PPP2R5E: variants seen among roughly 807,000 people sequenced by gnomAD.
PPP2R5E encodes protein phosphatase 2 regulatory subunit B'epsilon.
In PPP2R5E, 4 loss-of-function variants were observed where a neutral mutation model predicts 65.3. The ratio of observed to expected loss-of-function variants is 0.06; its 90% CI spans 0.03 to 0.14. The LOEUF is 0.14. Ranked by LOEUF, PPP2R5E falls within the 10% of genes least tolerant of loss-of-function variation. PPP2R5E has a pLI of 1.00. For missense variants in PPP2R5E, 274 were observed against 556.1 expected (o/e 0.49, Z 5.10); for synonymous variants, 183 against 187.4 (o/e 0.98, Z 0.19).
At chr14:63,491,727 G>A (rs376383450) in intron 2 of PPP2R5E, among the ~76,000 whole-genome samples, 2 of 152,124 alleles carry the variant, frequency 1.3e-5, no homozygotes, top group African/African-American at 4.8e-5. Flanking sequence ...TGCACCTGTA[G>A]TCCCAGCTAC....
rs183488512 is a variant in PPP2R5E at position 63,521,434 on chromosome 14, G to A, written c.157+18095C>T. On this transcript the variant is annotated intron_variant, in intron 2 of 13. Coordinates refer to ENST00000337537, the MANE Select transcript of PPP2R5E (RefSeq NM_006246.5). ...CTGTAATCCCAGCACTTTGGGAGGC[G>A]GAGGCGGGCAGACCACAAGGTCAGG... Among the ~76,000 whole-genome samples the A allele has an allele frequency of 4.4e-4, 67 of 152,268 alleles. No homozygotes were observed. The East Asian group carries it at 0.012, about 27-fold the overall frequency.
intron 8 of PPP2R5E, 69 bp downstream of exon 8, chr14:63,393,751 A>G (rs1233744692): frequency 3.8e-6 from 4 of 1,059,702 alleles, no homozygotes; most frequent in African/African-American, 3.3e-5. Context: ...AGGTTATATC[A>G]ATATCAAAAA....
chr14:63,480,463 A>G (rs1005939221), intron 2 of PPP2R5E, among the ~76,000 whole-genome samples: 15 of 152,280 alleles, frequency 9.9e-5, no homozygotes, highest in African/African-American at 3.6e-4. Context: ...CTCAAAAAAA[A>G]CAGTTGGGGT....
chr14:63,512,084 A>T (rs1272739664), intron 2 of PPP2R5E, among the ~76,000 whole-genome samples: 19 of 148,110 alleles, frequency 1.3e-4, no homozygotes, highest in Admixed American at 2.0e-4. Flanking sequence ...GCGGTAAAAA[A>T]AAAAAAAAAA....
At chr14:63,446,569 C>T (rs1888487164) in intron 3 of PPP2R5E, among the ~76,000 whole-genome samples, 1 of 152,076 alleles carries the variant, frequency 6.6e-6, no homozygotes, top group South Asian at 2.1e-4. Context: ...GTGGCTCACG[C>T]CTGTAATTCC....
chr14:63,498,609 G>A (rs1891699395), intron 2 of PPP2R5E, among the ~76,000 whole-genome samples: 1 of 151,840 alleles, frequency 6.6e-6, no homozygotes, highest in East Asian at 1.9e-4. Context: ...CCAGGCTGGA[G>A]CGAGATGGCA....
At chr14:63,472,766 A>T (rs1407471295) in intron 2 of PPP2R5E, among the ~76,000 whole-genome samples, 1 of 152,266 alleles carries the variant, frequency 6.6e-6, no homozygotes, top group Non-Finnish European at 1.5e-5. Flanking sequence ...GGCATGGAAG[A>T]CAGGTGACTA....
intron 2 of PPP2R5E, among the ~76,000 whole-genome samples, chr14:63,498,611 G>C (rs78047878): frequency 6.6e-6 from 1 of 151,662 alleles, no homozygotes; most frequent in East Asian, 1.9e-4. Context: ...AGGCTGGAGC[G>C]AGATGGCACA....
intron 2 of PPP2R5E, among the ~76,000 whole-genome samples, chr14:63,456,886 T>C (rs375695480): frequency 8.7e-5 from 12 of 137,310 alleles, no homozygotes; most frequent in African/African-American, 4.0e-4. Context: ...CTCTAGCCCA[T>C]GCACCAAGAA....
At chr14:63,482,060 C>T (rs369269968) in intron 2 of PPP2R5E, among the ~76,000 whole-genome samples, 38 of 152,230 alleles carry the variant, frequency 2.5e-4, no homozygotes, top group African/African-American at 9.1e-4. Flanking sequence ...AGAAATTACA[C>T]GTTATGCAAC....
At chr14:63,469,758 C>T (rs117461044) in intron 2 of PPP2R5E, among the ~76,000 whole-genome samples, 10,421 of 152,212 alleles carry the variant, frequency 0.068, 530 homozygotes, top group Non-Finnish European at 0.11. Flanking sequence ...GAAAAAAGCA[C>T]CTGACAAGGA....
intron 13 of PPP2R5E, among the ~76,000 whole-genome samples, chr14:63,376,460 A>T (rs923781001): frequency 7.9e-5 from 12 of 152,216 alleles, no homozygotes; most frequent in Admixed American, 5.9e-4. Context: ...TGCATATTTA[A>T]ATTCTTCAGT....
At chr14:63,479,645 C>T (rs1343896404) in intron 2 of PPP2R5E, among the ~76,000 whole-genome samples, 1 of 152,108 alleles carries the variant, frequency 6.6e-6, no homozygotes, top group Non-Finnish European at 1.5e-5. Flanking sequence ...CACCTAACAC[C>T]ATACTGACAA....
intron 5 of PPP2R5E, among the ~76,000 whole-genome samples, chr14:63,408,552 T>C (rs1886215021): frequency 6.6e-6 from 1 of 152,202 alleles, no homozygotes; most frequent in African/African-American, 2.4e-5. Flanking sequence ...TAGTATATTA[T>C]TTAATAAGTA....
rs184867802 is a variant in PPP2R5E at position 63,473,070 on chromosome 14, T to A, written c.158-19185A>T. On this transcript the variant is annotated intron_variant, in intron 2 of 13. Transcript: ENST00000337537. ...GAAGGTAAGAAACAAAGGGATTTTT[T>A]AAATTACATTAGATATAACAGAAAG... Among the ~76,000 whole-genome samples, 558 of 152,334 alleles carry A rather than the reference T, an allele frequency of 3.7e-3. 3 individuals are homozygous for A. The highest frequency in any genetic ancestry group is 0.011 in the African/African-American group (478 of 41,578).
At position 63,389,658 on chromosome 14, in the gene PPP2R5E, G is replaced by T; in HGVS notation, c.1028C>A (p.Pro343His). ...ACACTTGGCGATTTGTTTAAACAAA[G>T]GTTCTTGGATTTTAACAAATTGTGA... is the stretch of plus-strand genomic sequence containing the variant. ...EPSQFVKIQE[P>H]LFKQIAKCVS... is the part of the protein sequence containing the mutation. The change falls in exon 11 of 14, where the codon CCT (proline) becomes CAT (histidine). Residue 343 changes from proline (P) to histidine (H), a missense_variant. Transcript: ENST00000337537. The T allele has an allele frequency of 6.2e-7, 1 of 1,612,130 alleles. No homozygotes were observed. Among genetic ancestry groups the T allele is most frequent in the Admixed American group, 1.7e-5 (1 of 59,798 alleles).
intron 2 of PPP2R5E, among the ~76,000 whole-genome samples, chr14:63,521,961 C>CA (rs1430334924): frequency 1.5e-5 from 2 of 136,574 alleles, no homozygotes; most frequent in African/African-American, 5.7e-5. Context: ...CCCTCCCCCT[C>CA]CCCCTCTCCC....
intron 2 of PPP2R5E, among the ~76,000 whole-genome samples, chr14:63,496,753 TCTC>T (rs1891591292): frequency 6.6e-6 from 1 of 152,096 alleles, no homozygotes; most frequent in Non-Finnish European, 1.5e-5. Context: ...TGATTTTTCT[TCTC>T]CGACTTAAAT....
At chr14:63,459,254 CT>C (rs1295178238) in intron 2 of PPP2R5E, among the ~76,000 whole-genome samples, 1 of 152,166 alleles carries the variant, frequency 6.6e-6, no homozygotes, top group African/African-American at 2.4e-5. Context: ...GCCTAATTAC[CT>C]GCCCATGTAG....
Sources: allele counts gnomAD v4.1 joint callset (sites outside exome capture counted in the v4.1 genomes callset), GRCh38; gene constraint gnomAD v4.1.1; transcripts MANE v1.5; gene names NCBI Gene and HGNC (gene_info 2026-07-23, HGNC 2026-07-21).